Variants in COL11A1 observed in about 807,000 individuals in gnomAD.
The protein encoded by COL11A1 is collagen alpha-1(XI) chain.
Under a neutral mutation model 265.2 loss-of-function variants are expected in COL11A1, and 74 were observed. That is an observed-to-expected ratio of 0.28 (90% CI 0.23 to 0.34). The LOEUF (loss-of-function observed/expected upper bound fraction) is 0.34. COL11A1 is among the 10% of genes least tolerant of loss of function. The pLI, the probability that COL11A1 is intolerant of heterozygous loss-of-function variation, is 1.00. For missense variants in COL11A1, 2,165 were observed against 2,263.6 expected (o/e 0.96, Z 0.88); for synonymous variants, 816 against 727.6 (o/e 1.12, Z -1.96).
At chr1:102,951,042 C>T (rs1343645359) in intron 41 of COL11A1, among the ~76,000 whole-genome samples, 2 of 152,214 alleles carry the variant, frequency 1.3e-5, no homozygotes, top group South Asian at 2.1e-4. Flanking sequence ...CTTCCCCAGC[C>T]GTGCTGTACT....
intron 1 of COL11A1, chr1:103,100,070 T>C (rs1237607254): frequency 6.6e-6 from 1 of 151,870 alleles, no homozygotes; most frequent in Non-Finnish European, 1.5e-5. Context: ...TAAAACTAGA[T>C]CACAGTCACT....
intron 23 of COL11A1, 82 bp from the exon 24 acceptor site, chr1:103,002,051 A>C: frequency 8.9e-7 from 1 of 1,128,580 alleles, no homozygotes; most frequent in East Asian, 2.4e-5. Context: ...TTAGCTCACT[A>C]TAGTACACAG....
intron 3 of COL11A1, among the ~76,000 whole-genome samples, chr1:103,076,588 C>A (rs1671992438): frequency 6.6e-6 from 1 of 152,088 alleles, no homozygotes; most frequent in Non-Finnish European, 1.5e-5. Flanking sequence ...TCTCCACATC[C>A]CTACATGGCT....
At chr1:102,912,283 C>T (rs948522073) in intron 53 of COL11A1, 71 bp from the exon 54 acceptor site, 4 of 1,282,100 alleles carry the variant, frequency 3.1e-6, no homozygotes, top group African/African-American at 1.5e-5. Context: ...TTTTCAAAAT[C>T]TGGATGGAAA....
intron 41 of COL11A1, among the ~76,000 whole-genome samples, chr1:102,953,104 T>G (rs1660048186): frequency 6.6e-6 from 1 of 152,166 alleles, no homozygotes; most frequent in African/African-American, 2.4e-5. Context: ...TAGTGAGACA[T>G]TTTTGTATTG....
At chr1:102,918,915 C>A (rs1170219217) in intron 49 of COL11A1, among the ~76,000 whole-genome samples, 1 of 151,994 alleles carries the variant, frequency 6.6e-6, no homozygotes, top group Non-Finnish European at 1.5e-5. Context: ...CATTCAAATT[C>A]TTTAGGAAAC....
intron 14 of COL11A1, among the ~76,000 whole-genome samples, chr1:103,010,275 A>G (rs982999079): frequency 2.0e-5 from 3 of 152,196 alleles, no homozygotes; most frequent in African/African-American, 7.2e-5. Context: ...TTTTTAGACT[A>G]TAGAATTAAG....
intron 41 of COL11A1, among the ~76,000 whole-genome samples, chr1:102,947,665 A>T (rs929326333): frequency 6.6e-6 from 1 of 152,086 alleles, no homozygotes; most frequent in Non-Finnish European, 1.5e-5. Context: ...TTGCTTTTTT[A>T]AAAAACCTCA....
chr1:102,958,900 C>T (rs542548696), intron 41 of COL11A1, among the ~76,000 whole-genome samples: 221 of 152,258 alleles, frequency 1.5e-3, no homozygotes, highest in Non-Finnish European at 2.6e-3. Context: ...TGGAAGGCGT[C>T]ACCAAACTGT....
intron 54 of COL11A1, among the ~76,000 whole-genome samples, chr1:102,904,203 A>G (rs1653596375): frequency 1.3e-5 from 2 of 151,954 alleles, no homozygotes; most frequent in South Asian, 4.1e-4. Context: ...ATGGCTAGCC[A>G]GTTTTATACA....
intron 66 of COL11A1, 131 bp downstream of exon 66, chr1:102,879,552 C>T (rs1233882779): frequency 7.7e-6 from 6 of 784,160 alleles, no homozygotes; most frequent in Middle Eastern, 2.2e-4. Context: ...TTTAACATGT[C>T]AAGATTAAGC....
At chr1:102,997,452 T>C (rs1217771637) in intron 25 of COL11A1, among the ~76,000 whole-genome samples, 1 of 152,018 alleles carries the variant, frequency 6.6e-6, no homozygotes, top group Non-Finnish European at 1.5e-5. Flanking sequence ...CATAAAGGTA[T>C]TTAAATCTGC....
intron 1 of COL11A1, among the ~76,000 whole-genome samples, chr1:103,093,784 A>C (rs2102381864): frequency 6.6e-6 from 1 of 152,202 alleles, no homozygotes; most frequent in African/African-American, 2.4e-5. Flanking sequence ...TAACCCCATG[A>C]ATTCAATGAC....
intron 36 of COL11A1, among the ~76,000 whole-genome samples, chr1:102,971,430 G>A (rs1476373712): frequency 6.6e-6 from 1 of 151,998 alleles, no homozygotes; most frequent in African/African-American, 2.4e-5. Flanking sequence ...CATGGTCAAC[G>A]GGTAGAGATA....
chr1:103,008,437 TA>T, intron 15 of COL11A1, 25 bp downstream of exon 15: 2 of 1,606,204 alleles, frequency 1.2e-6, no homozygotes, highest in Non-Finnish European at 1.7e-6. Flanking sequence ...CAGTCAAGAA[TA>T]AAAAGTCAAA....
At chr1:102,912,365 C>T (rs1325711228) in intron 53 of COL11A1, among the ~76,000 whole-genome samples, 153 bp from the exon 54 acceptor site, 9 of 152,150 alleles carry the variant, frequency 5.9e-5, no homozygotes, top group African/African-American at 2.2e-4. Flanking sequence ...GATACCTAAA[C>T]TTCCTCTAGA....
chr1:102,995,983 C>T lies in COL11A1; in HGVS notation c.2295+6G>A, dbSNP rs372529718. On this transcript the variant is annotated splice_donor_region_variant and intron_variant, in intron 27 of 66. Coordinates refer to ENST00000370096, the MANE Select transcript of COL11A1 (RefSeq NM_001854.4). Reference sequence around the variant, plus strand: ...AGTAAATAATGTGAAAACAATTTAACGTTACCTTTACTCCCCGGGGGCCCG... The same window carrying T: ...AGTAAATAATGTGAAAACAATTTAATGTTACCTTTACTCCCCGGGGGCCCG... The T allele has an allele frequency of 5.8e-5, 93 of 1,613,264 alleles. 1 individual carries two copies. Among genetic ancestry groups the T allele is most frequent in the African/African-American group, 4.5e-4 (34 of 74,988 alleles).
chr1:102,930,728 C>T lies in COL11A1; in HGVS notation c.3600+3721G>A, dbSNP rs940062278. 1.4e-4 allele frequency among the ~76,000 whole-genome samples: 22 copies of T among 152,180 alleles called. No homozygotes were observed. In the East Asian group the frequency reaches 4.3e-3, roughly 29 times the overall value. Reference sequence around the variant, plus strand: ...CTGTGAATCCATCTGGTCCTGCACTCTTTTTGGTTGGTAAGCTATTGATTA... The same window carrying T: ...CTGTGAATCCATCTGGTCCTGCACTTTTTTTGGTTGGTAAGCTATTGATTA... On this transcript the variant is annotated intron_variant, in intron 46 of 66. Coordinates refer to ENST00000370096, the MANE Select transcript of COL11A1 (RefSeq NM_001854.4).
At position 103,026,231 on chromosome 1, in the gene COL11A1, T is replaced by C. The variant is rs201141662; in HGVS notation, c.882A>G (p.Thr294=). 64 of 1,612,110 alleles carry C rather than the reference T, an allele frequency of 4.0e-5. No individual in the cohort carries two copies. In the African/African-American group the frequency reaches 7.3e-4, roughly 18 times the overall value. Reference sequence around the variant, plus strand: ...TTGTTTTTACCTCCGTCTGTGCTATTGTCTCCTCAGTTACAGTGGGTCCCT... The same window carrying C: ...TTGTTTTTACCTCCGTCTGTGCTATCGTCTCCTCAGTTACAGTGGGTCCCT... ...VTEGPTVTEE[T]IAQTEANIVD... is the part of the protein sequence containing the mutation. Residue 294 remains threonine, a synonymous_variant, in exon 6 of 67, where the codon ACA becomes ACG. Coordinates refer to ENST00000370096, the MANE Select transcript of COL11A1 (RefSeq NM_001854.4).
Sources: allele counts gnomAD v4.1 joint callset (sites outside exome capture counted in the v4.1 genomes callset), GRCh38; gene constraint gnomAD v4.1.1; transcripts MANE v1.5; gene names NCBI Gene and HGNC (gene_info 2026-07-23, HGNC 2026-07-21).